The following IQSEC1 variants were observed in gnomAD, a reference collection of about 807,000 sequenced individuals.
IQSEC1 encodes the protein IQ motif and Sec7 domain ArfGEF 1.
IQSEC1 carries 31 observed loss-of-function variants against 91.0 expected under a neutral mutation model. That is an observed-to-expected ratio of 0.34 (90% CI 0.26 to 0.46). The LOEUF (loss-of-function observed/expected upper bound fraction) is 0.46. Ranked by LOEUF, IQSEC1 falls within the 20% of genes least tolerant of loss-of-function variation. IQSEC1 has a pLI of 1.00. For missense variants in IQSEC1, 1,388 were observed against 1,575.6 expected, an observed-to-expected ratio of 0.88 and a Z score of 2.02; for synonymous variants, 699 against 662.6, an observed-to-expected ratio of 1.05 and a Z score of -0.84.
At chr3:12,946,514 A>T (rs1220469611) in intron 1 of IQSEC1, among the ~76,000 whole-genome samples, 1 of 152,230 alleles carries the variant, frequency 6.6e-6, no homozygotes, top group Non-Finnish European at 1.5e-5. Flanking sequence ...CAATGTGTGC[A>T]GCAGTACATA....
intron 1 of IQSEC1, among the ~76,000 whole-genome samples, chr3:13,197,285 G>A (rs1039305316): frequency 3.9e-5 from 6 of 152,208 alleles, no homozygotes; most frequent in East Asian, 1.9e-4. Flanking sequence ...GCCCCCAAGC[G>A]CCCACAACAG....
At chr3:13,153,708 C>T (rs1707037310) in intron 2 of IQSEC1, among the ~76,000 whole-genome samples, 3 of 152,146 alleles carry the variant, frequency 2.0e-5, no homozygotes, top group Admixed American at 6.5e-5. Context: ...CGGTGCTGTG[C>T]GTGTCTTTCC....
intron 1 of IQSEC1, among the ~76,000 whole-genome samples, chr3:13,253,029 G>C (rs1480105579): frequency 6.6e-6 from 1 of 152,194 alleles, no homozygotes; most frequent in Non-Finnish European, 1.5e-5. Context: ...ACCGCACCCG[G>C]TCCCTTATTA....
At chr3:13,267,704 G>A (rs1217795857) in intron 1 of IQSEC1, among the ~76,000 whole-genome samples, 2 of 148,790 alleles carry the variant, frequency 1.3e-5, no homozygotes, top group South Asian at 2.1e-4. Flanking sequence ...TGCAAGCTCC[G>A]CCTCCCGGGT....
intron 1 of IQSEC1, among the ~76,000 whole-genome samples, chr3:12,980,831 A>G (rs568556121): frequency 6.6e-6 from 1 of 152,258 alleles, no homozygotes; most frequent in Admixed American, 6.5e-5. Flanking sequence ...CAGGGACCCA[A>G]GTAGGGCTGC....
chr3:13,186,846 C>T (rs1275750933), intron 1 of IQSEC1, among the ~76,000 whole-genome samples: 1 of 152,140 alleles, frequency 6.6e-6, no homozygotes, highest in Non-Finnish European at 1.5e-5. Flanking sequence ...CTGGATCCTG[C>T]CCAGAAACCC....
At position 13,282,014 on chromosome 3, in the gene IQSEC1, TGGCGGGCTGCGAGCC is replaced by T. The variant is rs1394729440; in HGVS notation, c.272+682_272+696del. Among the ~76,000 whole-genome samples, 3 of 152,144 alleles carry T rather than the reference TGGCGGGCTGCGAGCC, an allele frequency of 2.0e-5. No individual in the cohort carries two copies. In the East Asian group the frequency reaches 5.8e-4, roughly 29 times the overall value. On this transcript the variant is annotated intron_variant, in intron 1 of 15. Transcript: ENST00000648114. This position sits in a 1 kb window ranked among gnomAD's most constrained non-coding sequence, Gnocchi z 6.4. ...CATGGGAGGCAAACGGGAACCCGGC[TGGCGGGCTGCGAGCC>T]GGTAGGGACGCTGGGGTCCAGGGCT...
chr3:12,915,129 C>T lies in IQSEC1; in HGVS notation c.2165G>A (p.Gly722Glu), dbSNP rs1451937484. 3.1e-6 allele frequency: 5 copies of T among 1,609,092 alleles called. No individual in the cohort carries two copies. The highest frequency in any genetic ancestry group is 4.2e-6 in the Non-Finnish European group (5 of 1,177,336). Residue 722 changes from glycine (G) to glutamate (E), a missense_variant, in exon 8 of 14, where the codon GGA becomes GAA. Gly to Glu is a moderately conservative substitution (Grantham distance 98). Around this residue, in one of 2 missense-constraint regions of IQSEC1, gnomAD observed 1,059 missense variants for 1,317.8 expected, o/e 0.80. Coordinates refer to ENST00000613206, the MANE Select transcript of IQSEC1 (RefSeq NM_001134382.3). ...EKLIVGKKPIGSLHPGLGCVL... is the reference protein window; with the variant it reads ...EKLIVGKKPIESLHPGLGCVL... Reference sequence around the variant, plus strand: ...ACAGCCGAGCCCGGGATGCAGGGATCCGATCTGCGGGAGAATGTGAAACCA... The same window carrying T: ...ACAGCCGAGCCCGGGATGCAGGGATTCGATCTGCGGGAGAATGTGAAACCA...
intron 2 of IQSEC1, among the ~76,000 whole-genome samples, chr3:13,149,413 T>G: frequency 8.0e-6 from 1 of 125,460 alleles, no homozygotes; most frequent in Non-Finnish European, 1.7e-5. Context: ...GGTGAGTGTG[T>G]CGTGGGGGCC....
rs1702748120 is a variant in IQSEC1 at position 13,008,808 on chromosome 3, G to A, written c.23+64184C>T. Among the ~76,000 whole-genome samples the A allele has an allele frequency of 6.6e-6, 1 of 152,202 alleles. No individual in the cohort carries two copies. The highest frequency in any genetic ancestry group is 1.5e-5 in the Non-Finnish European group (1 of 68,044). ...CAGGGCAGAAAGGGGAGCTCACAGA[G>A]GAGGGGATATCCAGCTAACCCAGTG... is the stretch of plus-strand genomic sequence containing the variant. On this transcript the variant is annotated intron_variant, in intron 1 of 13. Transcript: ENST00000613206. The surrounding 1 kb of genome is among the most constrained non-coding windows in gnomAD (Gnocchi z 4.1).
At chr3:13,116,487 C>G (rs1455922875) in intron 2 of IQSEC1, among the ~76,000 whole-genome samples, 1 of 152,140 alleles carries the variant, frequency 6.6e-6, no homozygotes, top group Non-Finnish European at 1.5e-5. Context: ...CAGCAGGGTG[C>G]CAAGAACATA....
intron 1 of IQSEC1, among the ~76,000 whole-genome samples, chr3:12,978,206 G>A (rs774661725): frequency 2.6e-5 from 4 of 152,180 alleles, no homozygotes; most frequent in Non-Finnish European, 5.9e-5. Context: ...TAAGTAATTT[G>A]CACTAAGACA....
At chr3:13,121,584 G>A (rs544311500) in intron 2 of IQSEC1, among the ~76,000 whole-genome samples, 1 of 152,240 alleles carries the variant, frequency 6.6e-6, no homozygotes, top group Non-Finnish European at 1.5e-5. Flanking sequence ...GTGGCCCTGA[G>A]TAGTCATGCA....
intron 2 of IQSEC1, among the ~76,000 whole-genome samples, chr3:13,144,155 T>A (rs1475682308): frequency 6.6e-6 from 1 of 152,064 alleles, no homozygotes; most frequent in Admixed American, 6.6e-5. Flanking sequence ...CCCAAATGAA[T>A]CCTCAGGGAA....
At chr3:13,107,058 C>A (rs1481418428) in intron 2 of IQSEC1, among the ~76,000 whole-genome samples, 1 of 152,186 alleles carries the variant, frequency 6.6e-6, no homozygotes, top group Non-Finnish European at 1.5e-5. Flanking sequence ...TGAGACACCA[C>A]AAAGCTGGCA....
rs138963761 is a variant in IQSEC1, at chr3:12,908,585, C to T, written c.2579-60G>A. The T allele has an allele frequency of 7.3e-4, 1,146 of 1,569,866 alleles. 3 individuals carry two copies. In the African/African-American group the frequency reaches 0.011, roughly 15 times the overall value. ...AGCACAGCCTAGAGTGGGCAGGAGA[C>T]GGGGCCTTCTGCTTGGAGCTAGCAC... On this transcript the variant is annotated intron_variant, in intron 11 of 13. Coordinates refer to ENST00000613206, the MANE Select transcript of IQSEC1 (RefSeq NM_001134382.3). This position sits in a 1 kb window ranked among gnomAD's most constrained non-coding sequence, Gnocchi z 4.9.
rs1470204790 is a variant in IQSEC1, at chr3:13,165,535, G to GGTGTGT, written c.273-1403_273-1402insACACAC. The stretch of plus-strand genomic sequence containing the variant: ...GCGGGGGGGTGGGGGGTGGGGGGGT[G>GGTGTGT]GCGTGTGTGTGTGTGTGTGTGTGTG... On this transcript the variant is annotated intron_variant, in intron 1 of 15. Transcript: ENST00000648114. Among the ~76,000 whole-genome samples the GGTGTGT allele has an allele frequency of 1.0e-3, 89 of 88,972 alleles. 2 individuals are homozygous for GGTGTGT. Among genetic ancestry groups the GGTGTGT allele is most frequent in the African/African-American group, 2.2e-3 (48 of 21,580 alleles). The allele number at this position is 88,972 out of a possible 152,430, so 58.4% of individuals were successfully genotyped here.
chr3:13,084,606 A>G (rs1705704610), intron 2 of IQSEC1, among the ~76,000 whole-genome samples: 2 of 152,210 alleles, frequency 1.3e-5, no homozygotes, highest in African/African-American at 4.8e-5. Flanking sequence ...TGTCAACAGC[A>G]TCTGCCAGTC....
chr3:13,028,875 G>A (rs949051688), intron 1 of IQSEC1, among the ~76,000 whole-genome samples: 3 of 152,236 alleles, frequency 2.0e-5, no homozygotes, highest in Non-Finnish European at 4.4e-5. Flanking sequence ...CAGTAAGGAA[G>A]CCGCAGATCT....
Sources: gnomAD v4.1 joint callset for allele counts (sites outside exome capture counted in the v4.1 genomes callset) on GRCh38, gnomAD v4.1.1 for gene constraint, gnomAD v4.1.1 regional missense constraint, Gnocchi (gnomAD v3.1) non-coding constraint, MANE v1.5 for transcripts, NCBI Gene and HGNC (gene_info 2026-07-23, HGNC 2026-07-21) for gene names.